Variants in LRFN3 observed in about 807,000 individuals in gnomAD.
The protein encoded by LRFN3 is leucine-rich repeat and fibronectin type-III domain-containing protein 3.
Under a neutral mutation model 23.8 loss-of-function variants are expected in LRFN3, and 8 were observed. That is an observed-to-expected ratio of 0.34 (90% CI 0.20 to 0.61). The LOEUF (loss-of-function observed/expected upper bound fraction) is 0.61. LRFN3 is among the 20% of genes least tolerant of loss of function. The pLI is 0.80. For missense variants in LRFN3, 736 were observed against 935.3 expected, an observed-to-expected ratio of 0.79 and a Z score of 2.78; for synonymous variants, 451 against 450.6, an observed-to-expected ratio of 1.00 and a Z score of -0.01.
rs139681058 is a variant in LRFN3 at position 35,944,626 on chromosome 19, C to A, written c.1494C>A (p.Ala498=). ...SGRTYDLCVL[A]VYEDSATGLT... is the part of the protein sequence containing the mutation. The stretch of plus-strand genomic sequence containing the variant: ...GGACCTACGATCTGTGCGTGCTCGC[C>A]GTGTATGAGGACAGCGCCACGGGGC... The change falls in exon 3 of 3, where the codon GCC becomes GCA. Residue 498 remains alanine, a synonymous_variant. Coordinates refer to ENST00000246529, the MANE Select transcript of LRFN3 (RefSeq NM_024509.2). The surrounding 1 kb of genome is among the most constrained non-coding windows in gnomAD (Gnocchi z 4.5). The A allele has an allele frequency of 1.5e-5, 24 of 1,565,660 alleles. No individual in the cohort carries two copies. In the African/African-American group the frequency reaches 2.1e-4, roughly 13 times the overall value.
Position 35,945,309 on chromosome 19 carries a change from C to T in LRFN3, c.*290C>T. ...TCCCCGCCCAGTTCAGTCTGAGGAC[C>T]CCGGAGGAGGCTGAGGATGGCGATC... On this transcript the variant is annotated 3_prime_UTR_variant, in exon 3 of 3. Coordinates refer to ENST00000246529, the MANE Select transcript of LRFN3 (RefSeq NM_024509.2). The T allele has an allele frequency of 3.0e-6, 1 of 332,988 alleles. No individual in the cohort carries two copies. Among genetic ancestry groups the T allele is most frequent in the South Asian group, 9.7e-5 (1 of 10,286 alleles). The allele number at this position is 332,988 out of a possible 1,614,324, so 20.6% of individuals were successfully genotyped here.
At chr19:35,941,995 G>T (rs1472155654) in intron 2 of LRFN3, among the ~76,000 whole-genome samples, 3 of 151,754 alleles carry the variant, frequency 2.0e-5, no homozygotes, top group African/African-American at 7.3e-5. Context: ...CCATTCTCCT[G>T]CCTCAGCCTC....
rs1184830629 is a variant in LRFN3, at chr19:35,939,483, C to T, written c.58C>T (p.Pro20Ser). Residue 20 changes from proline to serine, a missense_variant, in exon 2 of 3, where the codon CCC (proline) becomes TCC (serine). By Grantham distance (74) the Pro-to-Ser change is moderately conservative. Coordinates refer to ENST00000246529, the MANE Select transcript of LRFN3 (RefSeq NM_024509.2). The surrounding 1 kb of genome is among the most constrained non-coding windows in gnomAD (Gnocchi z 6.4). Reference sequence around the variant, plus strand: ...GCCGCTGGCCCCTGCCTCATCCCCACCCCAGTCAGCCACACCCAGCCCATG... The same window carrying T: ...GCCGCTGGCCCCTGCCTCATCCCCATCCCAGTCAGCCACACCCAGCCCATG... ...LLPLAPASSPPQSATPSPCPR... is the reference protein window; with the variant it reads ...LLPLAPASSPSQSATPSPCPR... 1 of 1,602,900 alleles carries T rather than the reference C, an allele frequency of 6.2e-7. No individual in the cohort carries two copies. The highest frequency in any genetic ancestry group is 2.2e-5 in the East Asian group (1 of 44,766).
chr19:35,943,273 A>G (rs1976142015), intron 2 of LRFN3, among the ~76,000 whole-genome samples: 1 of 152,206 alleles, frequency 6.6e-6, no homozygotes, highest in Non-Finnish European at 1.5e-5. Flanking sequence ...AAAAAGATAA[A>G]TAGAAACCAG....
In LRFN3 at chr19:35,944,026, C is replaced by T. The variant is rs1976149469; in HGVS notation, c.1416-522C>T. ...GCAATATAGCAAGAGCCTGTCTCTA[C>T]AAAAAATTTAAAAATTAGCTGGGCA... is the stretch of plus-strand genomic sequence containing the variant. On this transcript the variant is annotated intron_variant, in intron 2 of 2. Transcript: ENST00000246529. This position sits in a 1 kb window ranked among gnomAD's most constrained non-coding sequence, Gnocchi z 4.5. Among the ~76,000 whole-genome samples the T allele has an allele frequency of 6.6e-6, 1 of 152,068 alleles. No individual in the cohort carries two copies. The highest frequency in any genetic ancestry group is 2.4e-5 in the African/African-American group (1 of 41,392).
chr19:35,939,864 G>A lies in LRFN3; in HGVS notation c.439G>A (p.Ala147Thr). The A allele has an allele frequency of 6.2e-7, 1 of 1,601,304 alleles. No homozygotes were observed. Among genetic ancestry groups the A allele is most frequent in the Non-Finnish European group, 8.5e-7 (1 of 1,179,814 alleles). ...CAGCAACAACCAGCTGGCAGCGCTG[G>A]CGGCCGGCGCCCTGGATGATTGTGC... ...ILSNNQLAAL[A>T]AGALDDCAET... Residue 147 changes from alanine (A) to threonine (T), a missense_variant, in exon 2 of 3, where the codon GCG becomes ACG. By Grantham distance (58) the Ala-to-Thr change is moderately conservative. Around this residue, in one of 2 missense-constraint regions of LRFN3, gnomAD observed 446 missense variants for 647.9 expected, o/e 0.69. Transcript: ENST00000246529. This position sits in a 1 kb window ranked among gnomAD's most constrained non-coding sequence, Gnocchi z 6.4.
At chr19:35,937,847 G>T (rs1976074167) in intron 1 of LRFN3, among the ~76,000 whole-genome samples, 1 of 151,956 alleles carries the variant, frequency 6.6e-6, no homozygotes, top group Non-Finnish European at 1.5e-5. Context: ...CACCTCTCTT[G>T]TCCACCACTC....
chr19:35,940,625 G>C lies in LRFN3; in HGVS notation c.1200G>C (p.Pro400=). The change falls in exon 2 of 3, where the codon CCG becomes CCC. Residue 400 remains proline, a synonymous_variant. Transcript: ENST00000246529. ...CCAACAGCACCAGCTGTGACCCCCCGCGGGACGGGGATCCTGATGCTCTCA... is the reference window on the plus strand; with the variant it reads ...CCAACAGCACCAGCTGTGACCCCCCCCGGGACGGGGATCCTGATGCTCTCA... ...QLANSTSCDP[P]RDGDPDALTP... is the part of the protein sequence containing the mutation. 1 of 1,610,060 alleles carries C rather than the reference G, an allele frequency of 6.2e-7. No homozygotes were observed. Among genetic ancestry groups the C allele is most frequent in the Non-Finnish European group, 8.5e-7 (1 of 1,177,288 alleles).
intron 2 of LRFN3, among the ~76,000 whole-genome samples, chr19:35,942,348 T>C (rs1021010853): frequency 3.3e-5 from 5 of 152,230 alleles, no homozygotes; most frequent in Non-Finnish European, 7.3e-5. Flanking sequence ...GTCCAACTTG[T>C]TCCCCCAAGC....
At position 35,939,694 on chromosome 19, in the gene LRFN3, T is replaced by C; in HGVS notation, c.269T>C (p.Leu90Pro). 6.2e-7 allele frequency: 1 copy of C among 1,605,992 alleles called. No individual in the cohort carries two copies. The highest frequency in any genetic ancestry group is 8.5e-7 in the Non-Finnish European group (1 of 1,178,520). ...ANMTGLLHLSLSRNTIRHVAA... is the reference protein window; with the variant it reads ...ANMTGLLHLSPSRNTIRHVAA... Reference sequence around the variant, plus strand: ...ATGACAGGCCTGCTGCATCTGAGCCTGTCGCGGAACACCATCCGCCACGTG... The same window carrying C: ...ATGACAGGCCTGCTGCATCTGAGCCCGTCGCGGAACACCATCCGCCACGTG... Residue 90 changes from leucine (L) to proline (P), a missense_variant, in exon 2 of 3, where the codon CTG becomes CCG. Leu to Pro is a moderately conservative substitution (Grantham distance 98). Coordinates refer to ENST00000246529, the MANE Select transcript of LRFN3 (RefSeq NM_024509.2). The surrounding 1 kb of genome is among the most constrained non-coding windows in gnomAD (Gnocchi z 6.4).
intron 2 of LRFN3, among the ~76,000 whole-genome samples, chr19:35,941,725 C>T (rs7254298): frequency 0.041 from 6,205 of 152,026 alleles, 295 homozygotes; most frequent in East Asian, 0.12. Context: ...TGCACCAGCA[C>T]GCCCAGCTAA....
Position 35,944,563 on chromosome 19 carries a change from G to A in LRFN3, c.1431G>A (p.Glu477=), listed in dbSNP as rs764984950. The change falls in exon 3 of 3, where the codon GAG becomes GAA. Residue 477 remains glutamate, a synonymous_variant. Coordinates refer to ENST00000246529, the MANE Select transcript of LRFN3 (RefSeq NM_024509.2). The surrounding 1 kb of genome is among the most constrained non-coding windows in gnomAD (Gnocchi z 4.5). ...DILVYRMIPA[E]SRSFLLTDLA... ...TGCCCTGCAGGATGATCCCGGCGGA[G>A]AGCCGCTCGTTCCTGCTGACGGACC... 2.0e-6 allele frequency: 3 copies of A among 1,465,886 alleles called. No homozygotes were observed. Among genetic ancestry groups the A allele is most frequent in the African/African-American group, 2.9e-5 (2 of 69,134 alleles). 90.8% of individuals were successfully genotyped at this position (1,465,886 alleles called of 1,614,324 possible). A position where few individuals can be genotyped will look rare whatever the true frequency, so the allele number is the denominator to read the frequency against.
chr19:35,938,133 C>T (rs1345980512), intron 1 of LRFN3, among the ~76,000 whole-genome samples: 2 of 152,226 alleles, frequency 1.3e-5, no homozygotes, highest in African/African-American at 2.4e-5. Context: ...CCACTCTTCT[C>T]TCCAGCAGCC....
rs752095574 is a variant in LRFN3, at chr19:35,944,722, G to C, written c.1590G>C (p.Pro530=). Reference sequence around the variant, plus strand: ...CTGCGCTGCGGCCATGCGGGGCGCCGCACGCTCCCTTCCTGGGCGGCACGA... The same window carrying C: ...CTGCGCTGCGGCCATGCGGGGCGCCCCACGCTCCCTTCCTGGGCGGCACGA... ...TEPALRPCGA[P]HAPFLGGTMI... Residue 530 remains proline (P), a synonymous_variant, in exon 3 of 3, where the codon CCG becomes CCC. Coordinates refer to ENST00000246529, the MANE Select transcript of LRFN3 (RefSeq NM_024509.2). The surrounding 1 kb of genome is among the most constrained non-coding windows in gnomAD (Gnocchi z 4.5). 4 of 1,604,668 alleles carry C rather than the reference G, an allele frequency of 2.5e-6. No homozygotes were observed. The highest frequency in any genetic ancestry group is 3.4e-6 in the Non-Finnish European group (4 of 1,176,310).
At position 35,940,693 on chromosome 19, in the gene LRFN3, CTG is replaced by C; in HGVS notation, c.1269_1270del (p.Gly424AlafsTer11). ...TCTGCTTCTGCCAAGGTGGCCGACA[CTG>C]GGCCCCCTACCGACCGTGGCGTCCA... On this transcript the variant is annotated frameshift_variant, in exon 2 of 3. Transcript: ENST00000246529. LOFTEE classifies it high-confidence loss of function. 1 of 1,613,452 alleles carries C rather than the reference CTG, an allele frequency of 6.2e-7. No homozygotes were observed. Among genetic ancestry groups the C allele is most frequent in the East Asian group, 2.2e-5 (1 of 44,890 alleles).
At position 35,940,259 on chromosome 19, in the gene LRFN3, G is replaced by A. The variant is rs780110627; in HGVS notation, c.834G>A (p.Leu278=). 1.9e-6 allele frequency: 3 copies of A among 1,605,034 alleles called. No individual in the cohort carries two copies. The South Asian group carries it at 3.3e-5, about 18-fold the overall frequency. The change falls in exon 2 of 3, where the codon CTG becomes CTA. Residue 278 remains leucine, a synonymous_variant. Coordinates refer to ENST00000246529, the MANE Select transcript of LRFN3 (RefSeq NM_024509.2). The stretch of plus-strand genomic sequence containing the variant: ...AGGCCTGCGCGTCCCCACCTGCTCT[G>A]GGCGGCCGCTACTTCTGGGCGGTGG... The part of the protein sequence containing the change: ...DLEACASPPA[L]GGRYFWAVGE...
chr19:35,940,754 C>T lies in LRFN3; in HGVS notation c.1329C>T (p.Val443=), dbSNP rs746185022. 31 of 1,612,966 alleles carry T rather than the reference C, an allele frequency of 1.9e-5. No individual in the cohort carries two copies. Among genetic ancestry groups the T allele is most frequent in the Admixed American group, 3.3e-5 (2 of 59,994 alleles). ...AGCACGGGGCCACAGCTGCTCTTGT[C>T]CAGTGGCCGGATCAGCGGCCTATCC... ...VTEHGATAAL[V]QWPDQRPIPG... is the part of the protein sequence containing the mutation. Residue 443 remains valine, a synonymous_variant, in exon 2 of 3, where the codon GTC becomes GTT. Transcript: ENST00000246529.
At chr19:35,937,664 G>A (rs890579183) in intron 1 of LRFN3, 109 bp downstream of exon 1, 1 of 152,756 alleles carries the variant, frequency 6.5e-6, no homozygotes, top group African/African-American at 2.4e-5. Context: ...CAGAAAAAAA[G>A]ACATTCCCCC....
chr19:35,943,198 G>A lies in LRFN3; in HGVS notation c.1416-1350G>A, dbSNP rs984673940. ...AGGTGATAAGTCAACTCTCCAACAG[G>A]GTGCCCAACTACAAAAGAAACTATA... On this transcript the variant is annotated intron_variant, in intron 2 of 2. Coordinates refer to ENST00000246529, the MANE Select transcript of LRFN3 (RefSeq NM_024509.2). Among the ~76,000 whole-genome samples the A allele has an allele frequency of 2.0e-5, 3 of 152,014 alleles. No homozygotes were observed. In the South Asian group the frequency reaches 6.2e-4, roughly 32 times the overall value.
Sources: allele counts gnomAD v4.1 joint callset (sites outside exome capture counted in the v4.1 genomes callset), GRCh38; gene constraint gnomAD v4.1.1; regional missense constraint gnomAD v4.1.1; non-coding constraint Gnocchi (gnomAD v3.1); transcripts MANE v1.5; gene names NCBI Gene and HGNC (gene_info 2026-07-23, HGNC 2026-07-21).